The following ZCCHC14 variants were observed in gnomAD, a reference collection of about 807,000 sequenced individuals.
ZCCHC14 encodes zinc finger CCHC-type containing 14.
ZCCHC14 carries 16 observed loss-of-function variants against 85.0 expected under a neutral mutation model. The observed-to-expected ratio is 0.19, with a 90% CI of 0.13 to 0.29. ZCCHC14 has a LOEUF of 0.29. ZCCHC14 is among the 10% of genes least tolerant of loss of function. The probability of loss-of-function intolerance (pLI) is 1.00; values close to 1 mark genes in which losing one functional copy is unlikely to be tolerated. For synonymous variants in ZCCHC14, 775 were observed against 630.7 expected, an observed-to-expected ratio of 1.23 and a Z score of -3.43; for missense variants, 1,303 against 1,443.5, an observed-to-expected ratio of 0.90 and a Z score of 1.58.
At chr16:87,433,268 T>C (rs2150738331) in intron 2 of ZCCHC14, 67 bp from the exon 3 acceptor site, 2 of 1,474,676 alleles carry the variant, frequency 1.4e-6, no homozygotes, top group East Asian at 2.3e-5. Flanking sequence ...TTATTTAGCA[T>C]TTGATATTCA....
intron 1 of ZCCHC14, among the ~76,000 whole-genome samples, chr16:87,484,131 T>C (rs1375139364): frequency 1.3e-5 from 2 of 152,182 alleles, no homozygotes; most frequent in Non-Finnish European, 2.9e-5. Flanking sequence ...GGAAGTGTGC[T>C]ATCTGCAAAG....
intron 2 of ZCCHC14, among the ~76,000 whole-genome samples, chr16:87,452,095 G>C (rs1317302609): frequency 1.3e-5 from 2 of 152,256 alleles, no homozygotes; most frequent in Non-Finnish European, 2.9e-5. Context: ...GTCCCTGCTT[G>C]ACAGACTGAA....
rs1331580086 is a variant in ZCCHC14, at chr16:87,409,471, C to G, written c.*809G>C. On this transcript the variant is annotated 3_prime_UTR_variant, in exon 13 of 13. Coordinates refer to ENST00000671377, the MANE Select transcript of ZCCHC14 (RefSeq NM_015144.3). ...CACTGACTGGCTGGGAAGAAAGATACTCTCAAAGCTTTGACGACTATGGAT... is the reference window on the plus strand; with the variant it reads ...CACTGACTGGCTGGGAAGAAAGATAGTCTCAAAGCTTTGACGACTATGGAT... The G allele has an allele frequency of 6.6e-6, 1 of 152,242 alleles. No individual in the cohort carries two copies. Among genetic ancestry groups the G allele is most frequent in the Admixed American group, 6.5e-5 (1 of 15,292 alleles). 9.4% of individuals were successfully genotyped at this position (152,242 alleles called of 1,614,324 possible).
At chr16:87,477,135 A>G (rs1597451192) in intron 1 of ZCCHC14, among the ~76,000 whole-genome samples, 2 of 143,194 alleles carry the variant, frequency 1.4e-5, no homozygotes, top group East Asian at 4.0e-4. Flanking sequence ...AAAAAAAAAA[A>G]AAAAAACAAA....
rs1223509167 is a variant in ZCCHC14 at position 87,492,267 on chromosome 16, G to T, written c.-29C>A. On this transcript the variant is annotated 5_prime_UTR_variant, in exon 1 of 13. Coordinates refer to ENST00000671377, the MANE Select transcript of ZCCHC14 (RefSeq NM_015144.3). This position sits in a 1 kb window ranked among gnomAD's most constrained non-coding sequence, Gnocchi z 6.7. ...GCCGCCCGCGCCGCGCCGCGACCCG[G>T]GGCCGGGGACCGCGCGGGGGCGGCC... is the stretch of plus-strand genomic sequence containing the variant. 1 of 979,628 alleles carries T rather than the reference G, an allele frequency of 1.0e-6. No individual in the cohort carries two copies. Among genetic ancestry groups the T allele is most frequent in the African/African-American group, 1.8e-5 (1 of 56,498 alleles). 60.7% of individuals were successfully genotyped at this position (979,628 alleles called of 1,614,324 possible).
In ZCCHC14 at chr16:87,418,894, G is replaced by A; in HGVS notation, c.1053C>T (p.Gly351=). 1.2e-6 allele frequency: 2 copies of A among 1,611,152 alleles called. No individual in the cohort carries two copies. The part of the protein sequence containing the change: ...PPQQLQSPSP[G]NPSLSKVGTV... ...TACCTACTTTAGAAAGGGAGGGATT[G>A]CCAGGACCTATAAATTTAAAAATAA... is the stretch of plus-strand genomic sequence containing the variant. Residue 351 remains glycine (G), a synonymous_variant, in exon 7 of 13, where the codon GGC becomes GGT. Coordinates refer to ENST00000671377, the MANE Select transcript of ZCCHC14 (RefSeq NM_015144.3).
Position 87,420,584 on chromosome 16 carries a change from CG to C in ZCCHC14, c.950+22del. On this transcript the variant is annotated intron_variant, in intron 5 of 12. Transcript: ENST00000671377. The surrounding 1 kb of genome is among the most constrained non-coding windows in gnomAD (Gnocchi z 5.0). ...CTGTCCTTGCCAGCTGTGGACGCGC[CG>C]GGTGCCTGGTAAGGGCCTCACCTCA... is the stretch of plus-strand genomic sequence containing the variant. 1 of 1,595,480 alleles carries C rather than the reference CG, an allele frequency of 6.3e-7. No individual in the cohort carries two copies. The highest frequency in any genetic ancestry group is 8.6e-7 in the Non-Finnish European group (1 of 1,168,312).
intron 4 of ZCCHC14, among the ~76,000 whole-genome samples, chr16:87,423,027 C>G (rs967364546): frequency 1.3e-5 from 2 of 152,146 alleles, no homozygotes; most frequent in Admixed American, 1.3e-4. Flanking sequence ...CAGGATGAGG[C>G]CTTGGCTTTA....
Position 87,469,264 on chromosome 16 carries a change from A to C in ZCCHC14, c.571-9133T>G, listed in dbSNP as rs531602190. 7.7e-4 allele frequency among the ~76,000 whole-genome samples: 118 copies of C among 152,354 alleles called. 1 individual carries two copies. Among genetic ancestry groups the C allele is most frequent in the Middle Eastern group, 3.4e-3 (1 of 294 alleles). On this transcript the variant is annotated intron_variant, in intron 1 of 12. Coordinates refer to ENST00000671377, the MANE Select transcript of ZCCHC14 (RefSeq NM_015144.3). Reference sequence around the variant, plus strand: ...CAAGTATCCATTATGCAGCCATATGAGATCATCCATCTGATCCCTGCAGTA... The same window carrying C: ...CAAGTATCCATTATGCAGCCATATGCGATCATCCATCTGATCCCTGCAGTA...
At chr16:87,413,943 G>C (rs1908626071) in intron 10 of ZCCHC14, among the ~76,000 whole-genome samples, 1 of 152,218 alleles carries the variant, frequency 6.6e-6, no homozygotes, top group Non-Finnish European at 1.5e-5. Context: ...CTGCCCTCTA[G>C]CTCCTAAGCC....
At chr16:87,417,955 T>C (rs1908882529) in intron 7 of ZCCHC14, 2 of 594,046 alleles carry the variant, frequency 3.4e-6, no homozygotes, top group Non-Finnish European at 2.9e-6. Context: ...GTAATGCATG[T>C]CTGTGCACAC....
chr16:87,488,728 C>T (rs1428989730), intron 1 of ZCCHC14, among the ~76,000 whole-genome samples: 1 of 152,132 alleles, frequency 6.6e-6, no homozygotes, highest in Non-Finnish European at 1.5e-5. Context: ...CAAGTGTGTG[C>T]CACCACTCCT....
At position 87,420,188 on chromosome 16, in the gene ZCCHC14, G is replaced by A. The variant is rs1023547347; in HGVS notation, c.951-311C>T. ...CTTGGACACTGGTCCCCAGGGCCCCGGCAGCAGCACATTTACGGAACTGGT... is the reference window on the plus strand; with the variant it reads ...CTTGGACACTGGTCCCCAGGGCCCCAGCAGCAGCACATTTACGGAACTGGT... On this transcript the variant is annotated intron_variant, in intron 5 of 12. Coordinates refer to ENST00000671377, the MANE Select transcript of ZCCHC14 (RefSeq NM_015144.3). This position sits in a 1 kb window ranked among gnomAD's most constrained non-coding sequence, Gnocchi z 5.0. Among the ~76,000 whole-genome samples, 2 of 152,330 alleles carry A rather than the reference G, an allele frequency of 1.3e-5. No individual in the cohort carries two copies. Among genetic ancestry groups the A allele is most frequent in the East Asian group, 1.9e-4 (1 of 5,192 alleles).
intron 2 of ZCCHC14, among the ~76,000 whole-genome samples, chr16:87,454,830 A>C (rs982522985): frequency 6.6e-6 from 1 of 152,244 alleles, no homozygotes; most frequent in African/African-American, 2.4e-5. Context: ...GTACACATAC[A>C]GGACAGGGCA....
intron 2 of ZCCHC14, among the ~76,000 whole-genome samples, chr16:87,436,779 A>G (rs1457249026): frequency 6.6e-6 from 1 of 152,268 alleles, no homozygotes; most frequent in Non-Finnish European, 1.5e-5. Context: ...AATTCTATGC[A>G]TAACATGATG....
At position 87,491,546 on chromosome 16, in the gene ZCCHC14, TG is replaced by T; in HGVS notation, c.570+122del. 1.2e-6 allele frequency: 1 copy of T among 856,544 alleles called. No individual in the cohort carries two copies. Among genetic ancestry groups the T allele is most frequent in the Non-Finnish European group, 1.6e-6 (1 of 629,038 alleles). The allele number at this position is 856,544 out of a possible 1,614,324, so 53.1% of individuals were successfully genotyped here. ...TCGTGGTGCAGGTTGGAGACCTGGG[TG>T]GGAGCTCTCAGTGCAGGCTGGAGGC... On this transcript the variant is annotated intron_variant, in intron 1 of 12. Transcript: ENST00000671377. This position sits in a 1 kb window ranked among gnomAD's most constrained non-coding sequence, Gnocchi z 5.9.
chr16:87,486,406 T>C (rs1378133520), intron 1 of ZCCHC14, among the ~76,000 whole-genome samples: 3 of 152,256 alleles, frequency 2.0e-5, no homozygotes, highest in Non-Finnish European at 2.9e-5. Flanking sequence ...TTCAGTACAG[T>C]AACACGCTGT....
rs576430327 is a variant in ZCCHC14, at chr16:87,432,538, C to G, written c.768+590G>C. Among the ~76,000 whole-genome samples the G allele has an allele frequency of 3.9e-5, 6 of 152,266 alleles. No homozygotes were observed. In the East Asian group the frequency reaches 1.2e-3, roughly 29 times the overall value. On this transcript the variant is annotated intron_variant, in intron 3 of 12. Transcript: ENST00000671377. ...GAGTAGCCAGAGGGGGCCTGTACCC[C>G]TAAGGGCACCCTCAGGTTCTGATGG...
At chr16:87,445,050 A>G (rs888037795) in intron 2 of ZCCHC14, among the ~76,000 whole-genome samples, 4 of 147,320 alleles carry the variant, frequency 2.7e-5, no homozygotes, top group African/African-American at 9.8e-5. Flanking sequence ...TAAATTTGTG[A>G]TTTTGTTTTT....
Sources: allele counts gnomAD v4.1 joint callset (sites outside exome capture counted in the v4.1 genomes callset), GRCh38; gene constraint gnomAD v4.1.1; non-coding constraint Gnocchi (gnomAD v3.1); transcripts MANE v1.5; gene names NCBI Gene and HGNC (gene_info 2026-07-23, HGNC 2026-07-21).